The following PARD3B variants were observed in gnomAD, a reference collection of about 807,000 sequenced individuals.
PARD3B encodes the protein par-3 family cell polarity regulator beta, also known as partitioning defective 3 homolog B.
Under a neutral mutation model 130.2 loss-of-function variants are expected in PARD3B, and 103 were observed. The ratio of observed to expected loss-of-function variants is 0.79; its 90% CI spans 0.67 to 0.93. PARD3B has a LOEUF of 0.93. Ranked by LOEUF, PARD3B falls within the 40% of genes least tolerant of loss-of-function variation. The pLI is 0.00. For synonymous variants in PARD3B, 583 were observed against 553.2 expected (o/e 1.05, Z -0.76); for missense variants, 1,609 against 1,499.2 (o/e 1.07, Z -1.21).
At position 204,677,942 on chromosome 2, in the gene PARD3B, A is replaced by G. The variant is rs1355101420; in HGVS notation, c.121-8239A>G. On this transcript the variant is annotated intron_variant, in intron 1 of 22. Transcript: ENST00000406610. The surrounding 1 kb of genome is among the most constrained non-coding windows in gnomAD (Gnocchi z 4.1). The stretch of plus-strand genomic sequence containing the variant: ...TGGTGGTCTTCATTTGTTTAGCTGT[A>G]GAGATGGCATGTGCAAAAGGAACAA... Among the ~76,000 whole-genome samples the G allele has an allele frequency of 4.6e-5, 7 of 152,246 alleles. No individual in the cohort carries two copies. Among genetic ancestry groups the G allele is most frequent in the Non-Finnish European group, 1.5e-5 (1 of 68,032 alleles).
intron 13 of PARD3B, among the ~76,000 whole-genome samples, chr2:205,184,056 G>A (rs2035954239): frequency 6.6e-6 from 1 of 152,140 alleles, no homozygotes; most frequent in Non-Finnish European, 1.5e-5. Context: ...ATTCAGGAGA[G>A]AGGCAATCTT....
At chr2:205,113,388 GC>G in intron 5 of PARD3B, 102 bp from the exon 6 acceptor site, 5 of 603,822 alleles carry the variant, frequency 8.3e-6, no homozygotes, top group East Asian at 3.1e-5. Flanking sequence ...ATAATCCTGA[GC>G]AGGGGTGTGT....
intron 2 of PARD3B, among the ~76,000 whole-genome samples, chr2:204,846,528 G>C (rs780876342): frequency 9.2e-5 from 14 of 151,654 alleles, no homozygotes; most frequent in Non-Finnish European, 1.8e-4. Flanking sequence ...AGTGTAAGGA[G>C]TTAATTAAAG....
intron 2 of PARD3B, among the ~76,000 whole-genome samples, chr2:204,720,161 T>A (rs2038929120): frequency 6.6e-6 from 1 of 152,202 alleles, no homozygotes; most frequent in Non-Finnish European, 1.5e-5. Context: ...ATAATAGACA[T>A]TTTACTCTTA....
chr2:205,136,391 T>A (rs186053553), intron 10 of PARD3B, among the ~76,000 whole-genome samples: 1 of 152,292 alleles, frequency 6.6e-6, no homozygotes, highest in East Asian at 1.9e-4. Context: ...TACATTAAAT[T>A]ACATTAAATG....
At position 205,105,101 on chromosome 2, in the gene PARD3B, A is replaced by C. The variant is rs1308056206; in HGVS notation, c.593+587A>C. Among the ~76,000 whole-genome samples the C allele has an allele frequency of 6.6e-6, 1 of 152,214 alleles. No homozygotes were observed. Among genetic ancestry groups the C allele is most frequent in the Non-Finnish European group, 1.5e-5 (1 of 68,048 alleles). Reference sequence around the variant, plus strand: ...AGCTCTAGGTAGTGCCTGGGTTCATATCGCAGCTATGCCTCTTTACTAGTC... The same window carrying C: ...AGCTCTAGGTAGTGCCTGGGTTCATCTCGCAGCTATGCCTCTTTACTAGTC... On this transcript the variant is annotated intron_variant, in intron 5 of 22. Coordinates refer to ENST00000406610, the MANE Select transcript of PARD3B (RefSeq NM_001302769.2). This position sits in a 1 kb window ranked among gnomAD's most constrained non-coding sequence, Gnocchi z 4.0.
chr2:204,836,436 G>A (rs1484396182), intron 2 of PARD3B, among the ~76,000 whole-genome samples: 3 of 152,284 alleles, frequency 2.0e-5, no homozygotes, highest in Admixed American at 6.5e-5. Flanking sequence ...GCCAAGGCAC[G>A]TGAATTGCCA....
At chr2:204,800,701 A>T (rs1453718711) in intron 2 of PARD3B, among the ~76,000 whole-genome samples, 1 of 152,240 alleles carries the variant, frequency 6.6e-6, no homozygotes, top group East Asian at 1.9e-4. Flanking sequence ...GCTGTGCAGA[A>T]GCTCTTTAGT....
At chr2:204,877,462 A>G (rs2045888873) in intron 2 of PARD3B, among the ~76,000 whole-genome samples, 1 of 152,200 alleles carries the variant, frequency 6.6e-6, no homozygotes, top group African/African-American at 2.4e-5. Flanking sequence ...AGGAGGGCTG[A>G]CTTTTCCCAT....
At position 204,935,146 on chromosome 2, in the gene PARD3B, CTT is replaced by C. The variant is rs71032422; in HGVS notation, c.223-29990_223-29989del. ...CTATTTTTCATTCTTGTTTTCCCTA[CTT>C]TTTTTTTTTTTTTTTACATTTCTCT... On this transcript the variant is annotated intron_variant, in intron 2 of 22. Transcript: ENST00000406610. 4.4e-3 allele frequency among the ~76,000 whole-genome samples: 606 copies of C among 138,646 alleles called. 3 individuals carry two copies. Among genetic ancestry groups the C allele is most frequent in the African/African-American group, 0.014 (549 of 38,002 alleles). 91.0% of individuals were successfully genotyped at this position (138,646 alleles called of 152,430 possible).
At chr2:204,578,468 G>T (rs2032382841) in intron 1 of PARD3B, among the ~76,000 whole-genome samples, 1 of 152,108 alleles carries the variant, frequency 6.6e-6, no homozygotes, top group Non-Finnish European at 1.5e-5. Flanking sequence ...TATATTTTTT[G>T]TGTGTGTTGT....
intron 4 of PARD3B, among the ~76,000 whole-genome samples, chr2:205,071,986 CT>C (rs35238662): frequency 0.37 from 55,771 of 151,814 alleles, 11,054 homozygotes; most frequent in East Asian, 0.52. Context: ...TGTGAATTAG[CT>C]TTTTTTTAAA....
intron 3 of PARD3B, among the ~76,000 whole-genome samples, chr2:204,971,483 C>A (rs141479938): frequency 6.6e-6 from 1 of 152,184 alleles, no homozygotes. Context: ...GTTAAAATTG[C>A]GTAGATGAAT....
chr2:204,904,280 AG>A (rs1395301075), intron 2 of PARD3B, among the ~76,000 whole-genome samples: 2 of 152,206 alleles, frequency 1.3e-5, no homozygotes, highest in African/African-American at 4.8e-5. Context: ...ATCACTGTTA[AG>A]CATGTTAATT....
chr2:205,581,400 T>TATAA (rs1559238600), intron 22 of PARD3B, among the ~76,000 whole-genome samples: 1,159 of 39,940 alleles, frequency 0.029, 18 homozygotes, highest in African/African-American at 0.077. Context: ...TATATAAATA[T>TATAA]ATATATAAGT....
rs1478218453 is a variant in PARD3B at position 205,493,713 on chromosome 2, CATTTATGTATGTATTTATTTATTTATTT to C, written c.3045-6176_3045-6149del. 1.3e-3 allele frequency among the ~76,000 whole-genome samples: 186 copies of C among 146,908 alleles called. 2 individuals carry two copies. Among genetic ancestry groups the C allele is most frequent in the East Asian group, 3.3e-3 (16 of 4,898 alleles). On this transcript the variant is annotated intron_variant, in intron 20 of 22. Coordinates refer to ENST00000406610, the MANE Select transcript of PARD3B (RefSeq NM_001302769.2). The stretch of plus-strand genomic sequence containing the variant: ...ACAGGCTATAAAAGCCATTTCTTTT[CATTTATGTATGTATTTATTTATTTATTT>C]ATTTATTTATTTATTTATTTATTTA...
At chr2:205,534,144 T>A (rs2051732235) in intron 21 of PARD3B, among the ~76,000 whole-genome samples, 1 of 151,826 alleles carries the variant, frequency 6.6e-6, no homozygotes, top group African/African-American at 2.4e-5. Context: ...AAATGTTGAT[T>A]TGTTGAATAT....
At chr2:204,847,918 AAG>A (rs2044531607) in intron 2 of PARD3B, among the ~76,000 whole-genome samples, 1 of 152,178 alleles carries the variant, frequency 6.6e-6, no homozygotes, top group Non-Finnish European at 1.5e-5. Flanking sequence ...AAGAAGGAAA[AAG>A]AAATTTGTGC....
chr2:204,988,819 C>G lies in PARD3B; in HGVS notation c.394+23496C>G, dbSNP rs533885238. Among the ~76,000 whole-genome samples the G allele has an allele frequency of 3.9e-5, 6 of 152,138 alleles. No homozygotes were observed. The South Asian group carries it at 1.2e-3, about 32-fold the overall frequency. ...AGAGAAATTTACAAGAAATGGTGTG[C>G]CCATATTATAGGGTGACAGTTAAAT... On this transcript the variant is annotated intron_variant, in intron 3 of 22. Transcript: ENST00000406610.
Sources: gnomAD v4.1 joint callset for allele counts (sites outside exome capture counted in the v4.1 genomes callset) on GRCh38, gnomAD v4.1.1 for gene constraint, Gnocchi (gnomAD v3.1) non-coding constraint, MANE v1.5 for transcripts, NCBI Gene and HGNC (gene_info 2026-07-23, HGNC 2026-07-21) for gene names.